The following MLLT10 variants were observed in gnomAD, a reference collection of about 807,000 sequenced individuals.
MLLT10 encodes the protein protein AF-10.
Under a neutral mutation model 129.1 loss-of-function variants are expected in MLLT10, and 30 were observed. The ratio of observed to expected loss-of-function variants is 0.23; its 90% CI spans 0.17 to 0.32. The LOEUF (loss-of-function observed/expected upper bound fraction) is 0.32, where lower values mean the gene tolerates loss of function less well. Among genes scored for constraint, MLLT10 ranks in the 10% least tolerant of loss-of-function variants. The pLI, the probability that MLLT10 is intolerant of heterozygous loss-of-function variation, is 1.00. For synonymous variants in MLLT10, 490 were observed against 446.4 expected, an observed-to-expected ratio of 1.10 and a Z score of -1.23; for missense variants, 1,119 against 1,268.3, an observed-to-expected ratio of 0.88 and a Z score of 1.79.
At chr10:21,614,313 T>A (rs1284353346) in intron 6 of MLLT10, among the ~76,000 whole-genome samples, 1 of 152,104 alleles carries the variant, frequency 6.6e-6, no homozygotes, top group East Asian at 1.9e-4. Context: ...CAATTTATGT[T>A]TATCTCGCTT....
Position 21,673,470 on chromosome 10 carries a change from A to G in MLLT10, c.1172A>G (p.Gln391Arg). ...DLRNDSYSHS[Q>R]QSSATKDVHK... Reference sequence around the variant, plus strand: ...CGTAATGACAGTTACTCTCACTCCCAACAGTCATCAGCAACCAAAGATGTA... The same window carrying G: ...CGTAATGACAGTTACTCTCACTCCCGACAGTCATCAGCAACCAAAGATGTA... The change falls in exon 11 of 23, where the codon CAA becomes CGA. Residue 391 changes from glutamine (Q) to arginine (R), a missense_variant. By Grantham distance (43) the Gln-to-Arg change is conservative (BLOSUM62 1). Coordinates refer to ENST00000307729, the MANE Select transcript of MLLT10 (RefSeq NM_001195626.3). 6.2e-7 allele frequency: 1 copy of G among 1,613,902 alleles called. No individual in the cohort carries two copies.
intron 13 of MLLT10, among the ~76,000 whole-genome samples, chr10:21,689,616 T>TACACACACAC (rs1449363406): frequency 7.1e-6 from 1 of 140,754 alleles, no homozygotes; most frequent in African/African-American, 2.7e-5. Context: ...TATATATATA[T>TACACACACAC]ATACACACAC....
intron 8 of MLLT10, among the ~76,000 whole-genome samples, chr10:21,645,594 T>A (rs538222986): frequency 6.6e-6 from 1 of 152,338 alleles, no homozygotes; most frequent in East Asian, 1.9e-4. Context: ...TGATGATTAG[T>A]GATAATGAAA....
intron 14 of MLLT10, among the ~76,000 whole-genome samples, chr10:21,717,394 C>CGGGTGGG (rs1473672091): frequency 3.9e-5 from 4 of 102,438 alleles, no homozygotes; most frequent in Non-Finnish European, 7.4e-5. Flanking sequence ...GTAAAATTGG[C>CGGGTGGG]GGGTGGGGGG....
At position 21,679,808 on chromosome 10, in the gene MLLT10, T is replaced by A. The variant is rs557584406; in HGVS notation, c.1622-1524T>A. ...CAGGTGAGCATCACTAATCTGAAAA[T>A]CTGAAATCCAAAATGCACCAATGAG... On this transcript the variant is annotated intron_variant, in intron 11 of 22. Transcript: ENST00000307729. Among the ~76,000 whole-genome samples the A allele has an allele frequency of 2.4e-4, 37 of 152,292 alleles. No homozygotes were observed. The South Asian group carries it at 7.3e-3, about 30-fold the overall frequency.
chr10:21,612,512 T>C, intron 6 of MLLT10, 61 bp downstream of exon 6: 1 of 1,023,448 alleles, frequency 9.8e-7, no homozygotes, highest in South Asian at 1.6e-5. Context: ...GTAACAATCA[T>C]AAGTTAAAGA....
intron 3 of MLLT10, among the ~76,000 whole-genome samples, chr10:21,569,142 C>A (rs764931149): frequency 6.6e-6 from 1 of 151,906 alleles, no homozygotes; most frequent in Non-Finnish European, 1.5e-5. Context: ...GAACAGAATG[C>A]GTATTCTGGT....
rs373936458 is a variant in MLLT10 at position 21,740,373 on chromosome 10, A to G, written c.3162+137A>G. On this transcript the variant is annotated intron_variant, in intron 22 of 22. Coordinates refer to ENST00000307729, the MANE Select transcript of MLLT10 (RefSeq NM_001195626.3). Reference sequence around the variant, plus strand: ...GTTGCTTTTAGCAGATGGATATTATAGGCAAAGGATCTAAGCCAATTTATA... The same window carrying G: ...GTTGCTTTTAGCAGATGGATATTATGGGCAAAGGATCTAAGCCAATTTATA... 185 of 924,186 alleles carry G rather than the reference A, an allele frequency of 2.0e-4. 2 individuals carry two copies. Among genetic ancestry groups the G allele is most frequent in the Middle Eastern group, 1.7e-3 (7 of 4,056 alleles). 57.2% of individuals were successfully genotyped at this position (924,186 alleles called of 1,614,324 possible). A position where few individuals can be genotyped will look rare whatever the true frequency, so the allele number is the denominator to read the frequency against.
intron 8 of MLLT10, chr10:21,624,716 T>A: frequency 7.5e-7 from 1 of 1,333,476 alleles, no homozygotes; most frequent in South Asian, 1.2e-5. Flanking sequence ...GACCCAGTTC[T>A]GTTGTTTGTT....
intron 13 of MLLT10, among the ~76,000 whole-genome samples, chr10:21,689,131 T>C (rs1231821222): frequency 6.6e-6 from 1 of 152,112 alleles, no homozygotes; most frequent in Non-Finnish European, 1.5e-5. Flanking sequence ...TGAGACTGTC[T>C]TAGCTTTTTA....
intron 3 of MLLT10, among the ~76,000 whole-genome samples, chr10:21,584,894 A>C (rs1358114780): frequency 6.6e-6 from 1 of 151,352 alleles, no homozygotes; most frequent in African/African-American, 2.4e-5. Flanking sequence ...GTTTATATAT[A>C]TGTATATGTA....
chr10:21,716,738 G>A (rs2056591887), intron 14 of MLLT10, among the ~76,000 whole-genome samples: 2 of 151,486 alleles, frequency 1.3e-5, no homozygotes, highest in Admixed American at 1.3e-4. Context: ...TACCACAACT[G>A]TTAAGAAAAC....
intron 1 of MLLT10, 25 bp from the exon 2 acceptor site, chr10:21,534,620 A>T: frequency 1.3e-6 from 2 of 1,592,380 alleles, no homozygotes; most frequent in Admixed American, 1.7e-5. Flanking sequence ...TGTGTTTTTT[A>T]ATGGTCCCCC....
chr10:21,596,159 CAAGT>C (rs987132109), intron 5 of MLLT10, among the ~76,000 whole-genome samples: 18 of 151,942 alleles, frequency 1.2e-4, no homozygotes, highest in African/African-American at 3.6e-4. Flanking sequence ...AAAATACAGA[CAAGT>C]AAATAAATAT....
chr10:21,604,969 C>G (rs965853225), intron 5 of MLLT10, among the ~76,000 whole-genome samples: 1 of 150,218 alleles, frequency 6.7e-6, no homozygotes, highest in Non-Finnish European at 1.5e-5. Context: ...AGCTTACATT[C>G]TGATAAGGCA....
intron 3 of MLLT10, among the ~76,000 whole-genome samples, chr10:21,584,099 A>T (rs998951602): frequency 6.7e-6 from 1 of 148,322 alleles, no homozygotes; most frequent in Non-Finnish European, 1.5e-5. Context: ...CGATCTCCTG[A>T]CCCCGTGATC....
intron 3 of MLLT10, among the ~76,000 whole-genome samples, chr10:21,569,862 G>C (rs1356408918): frequency 6.6e-6 from 1 of 152,112 alleles, no homozygotes; most frequent in Non-Finnish European, 1.5e-5. Context: ...CGAGTAGCTA[G>C]AAGGACCACA....
At chr10:21,688,245 A>G (rs1292698153) in intron 13 of MLLT10, among the ~76,000 whole-genome samples, 1 of 152,238 alleles carries the variant, frequency 6.6e-6, no homozygotes, top group Non-Finnish European at 1.5e-5. Context: ...TGAGGGAAGC[A>G]GTACAAATGG....
chr10:21,552,192 C>T (rs2037163755), intron 3 of MLLT10, among the ~76,000 whole-genome samples: 1 of 152,036 alleles, frequency 6.6e-6, no homozygotes, highest in African/African-American at 2.4e-5. Context: ...TCCCAAAGTA[C>T]TGGGACTACA....
Sources: allele counts gnomAD v4.1 joint callset (sites outside exome capture counted in the v4.1 genomes callset), GRCh38; gene constraint gnomAD v4.1.1; transcripts MANE v1.5; gene names NCBI Gene and HGNC (gene_info 2026-07-23, HGNC 2026-07-21).